The following RPS6KC1 variants were observed in gnomAD, a reference collection of about 807,000 sequenced individuals.
RPS6KC1 encodes inactive ribosomal protein S6 kinase delta-1.
In RPS6KC1, 54 loss-of-function variants were observed where a neutral mutation model predicts 103.8. The ratio of observed to expected loss-of-function variants is 0.52; its 90% CI spans 0.42 to 0.65. RPS6KC1 has a LOEUF of 0.65. Among genes scored for constraint, RPS6KC1 ranks in the 30% least tolerant of loss-of-function variants. RPS6KC1 has a pLI of 0.00. For synonymous variants in RPS6KC1, 439 were observed against 438.7 expected, an observed-to-expected ratio of 1.00 and a Z score of -0.01; for missense variants, 1,151 against 1,253.8, an observed-to-expected ratio of 0.92 and a Z score of 1.24.
the RPS6KC1 span, among the ~76,000 whole-genome samples, chr1:213,281,339 C>G: frequency 6.6e-6 from 1 of 152,212 alleles, no homozygotes; most frequent in Non-Finnish European, 1.5e-5. Flanking sequence ...ATTTTGAGAA[C>G]ATGCTTTTTA....
At chr1:213,515,575 T>G in the RPS6KC1 span, among the ~76,000 whole-genome samples, 1 of 152,226 alleles carries the variant, frequency 6.6e-6, no homozygotes, top group Non-Finnish European at 1.5e-5. Flanking sequence ...CTCTGTTCTG[T>G]TCCATTGATC....
chr1:213,153,109 A>C (rs943536446), intron 6 of RPS6KC1, among the ~76,000 whole-genome samples: 1 of 152,240 alleles, frequency 6.6e-6, no homozygotes, highest in Non-Finnish European at 1.5e-5. Flanking sequence ...CGAGTCTGCA[A>C]TCGCAGGCAC....
chr1:213,576,568 A>G, the RPS6KC1 span, among the ~76,000 whole-genome samples: 6 of 152,110 alleles, frequency 3.9e-5, no homozygotes, highest in African/African-American at 9.7e-5. Context: ...TGGGGACACC[A>G]CAAACCAAAC....
the RPS6KC1 span, among the ~76,000 whole-genome samples, chr1:213,620,343 T>G: frequency 6.6e-6 from 1 of 152,234 alleles, no homozygotes; most frequent in Non-Finnish European, 1.5e-5. Flanking sequence ...TCACATATCT[T>G]GGTACCTTGG....
At chr1:213,313,901 C>T in the RPS6KC1 span, among the ~76,000 whole-genome samples, 2 of 151,948 alleles carry the variant, frequency 1.3e-5, no homozygotes, top group African/African-American at 4.8e-5. Flanking sequence ...TGCAGTGAGC[C>T]GAGATGGCGC....
chr1:213,129,928 T>C, intron 6 of RPS6KC1, 39 bp downstream of exon 6: 1 of 1,530,324 alleles, frequency 6.5e-7, no homozygotes, highest in Non-Finnish European at 8.7e-7. Context: ...CATGCTCTTT[T>C]GTTGGTATGT....
the RPS6KC1 span, among the ~76,000 whole-genome samples, chr1:213,437,242 G>GT: frequency 1.3e-5 from 2 of 151,854 alleles, no homozygotes; most frequent in African/African-American, 4.8e-5. Context: ...ATTATTAAAT[G>GT]TTTTTTCTGC....
At chr1:213,155,474 G>A (rs2089774182) in intron 6 of RPS6KC1, among the ~76,000 whole-genome samples, 2 of 152,124 alleles carry the variant, frequency 1.3e-5, no homozygotes, top group Admixed American at 6.5e-5. Flanking sequence ...GGGTTTAAAT[G>A]CTCCCATCTT....
the RPS6KC1 span, among the ~76,000 whole-genome samples, chr1:213,377,005 A>G: frequency 1.3e-5 from 2 of 152,192 alleles, no homozygotes; most frequent in Non-Finnish European, 2.9e-5. Context: ...CTGGGGACCA[A>G]GTAAGAGTCG....
the RPS6KC1 span, among the ~76,000 whole-genome samples, chr1:213,432,335 TTTAG>T: frequency 6.6e-6 from 1 of 152,228 alleles, no homozygotes; most frequent in African/African-American, 2.4e-5. Flanking sequence ...GGTTATTACT[TTTAG>T]TTAAAGAAAC....
chr1:213,145,826 G>T (rs2087693868), intron 6 of RPS6KC1, among the ~76,000 whole-genome samples: 1 of 151,536 alleles, frequency 6.6e-6, no homozygotes. Flanking sequence ...TGGAGAATGG[G>T]GTATCCATCC....
intron 3 of RPS6KC1, among the ~76,000 whole-genome samples, chr1:213,101,148 T>G (rs2081987081): frequency 6.6e-6 from 1 of 152,198 alleles, no homozygotes; most frequent in Non-Finnish European, 1.5e-5. Context: ...GGTGTCTCAT[T>G]ATGGTTTCGA....
chr1:213,051,438 G>C lies in RPS6KC1; in HGVS notation c.34G>C (p.Ala12Pro). 1 of 1,613,576 alleles carries C rather than the reference G, an allele frequency of 6.2e-7. No homozygotes were observed. The highest frequency in any genetic ancestry group is 1.1e-5 in the South Asian group (1 of 91,018). ...TTACCGGGAGCGGAGTGCCGACCTG[G>C]CCCGTTTCTACACTGTCACCGAGCC... is the stretch of plus-strand genomic sequence containing the variant. ...TSYRERSADLARFYTVTEPQR... is the reference protein window; with the variant it reads ...TSYRERSADLPRFYTVTEPQR... The change falls in exon 1 of 15, where the codon GCC becomes CCC. Residue 12 changes from alanine (A) to proline (P), a missense_variant. Ala to Pro is a conservative substitution (Grantham distance 27). Transcript: ENST00000366960.
chr1:213,220,031 T>C (rs1330513361), intron 8 of RPS6KC1, among the ~76,000 whole-genome samples: 1 of 152,104 alleles, frequency 6.6e-6, no homozygotes, highest in Non-Finnish European at 1.5e-5. Flanking sequence ...CCATCATATT[T>C]ACCCAAAGTA....
intron 6 of RPS6KC1, among the ~76,000 whole-genome samples, chr1:213,138,136 CA>C (rs1264653358): frequency 3.9e-5 from 6 of 152,036 alleles, no homozygotes; most frequent in Non-Finnish European, 7.4e-5. Flanking sequence ...GAATGTTCAA[CA>C]ACTTTTGTAT....
chr1:213,537,958 CATTGT>C, the RPS6KC1 span, among the ~76,000 whole-genome samples: 1 of 152,080 alleles, frequency 6.6e-6, no homozygotes, highest in South Asian at 2.1e-4. Flanking sequence ...GCAGGGACCT[CATTGT>C]AGGAGGGAAG....
At chr1:213,525,044 T>A in the RPS6KC1 span, among the ~76,000 whole-genome samples, 1 of 152,190 alleles carries the variant, frequency 6.6e-6, no homozygotes, top group Non-Finnish European at 1.5e-5. Context: ...ATAGGTAAAG[T>A]GCGTGACACC....
the RPS6KC1 span, among the ~76,000 whole-genome samples, chr1:213,436,433 C>T: frequency 6.6e-6 from 1 of 152,080 alleles, no homozygotes; most frequent in South Asian, 2.1e-4. Flanking sequence ...TATAGTATAA[C>T]TTAAGAGTCA....
At chr1:213,809,977 T>C in the RPS6KC1 span, among the ~76,000 whole-genome samples, 1 of 152,248 alleles carries the variant, frequency 6.6e-6, no homozygotes, top group Admixed American at 6.5e-5. Context: ...ACTTGAGTTA[T>C]GGATATTGGT....
Sources: allele counts gnomAD v4.1 joint callset (sites outside exome capture counted in the v4.1 genomes callset), GRCh38; gene constraint gnomAD v4.1.1; transcripts MANE v1.5; gene names NCBI Gene and HGNC (gene_info 2026-07-23, HGNC 2026-07-21).